CENPH: variants seen among roughly 807,000 people sequenced by gnomAD.
CENPH encodes centromere protein H.
A neutral mutation model predicts 42.9 loss-of-function variants in CENPH; 40 were observed. That is an observed-to-expected ratio of 0.93 (90% CI 0.72 to 1.21). CENPH has a LOEUF of 1.21. CENPH is among the 50% of genes most tolerant of loss of function. The pLI is 0.00. For missense variants in CENPH, 302 were observed against 292.9 expected, an observed-to-expected ratio of 1.03 and a Z score of -0.23; for synonymous variants, 88 against 96.5, an observed-to-expected ratio of 0.91 and a Z score of 0.52.
intron 5 of CENPH, among the ~76,000 whole-genome samples, chr5:69,201,701 A>T (rs1290460067): frequency 6.6e-6 from 1 of 152,156 alleles, no homozygotes; most frequent in Admixed American, 6.6e-5. Flanking sequence ...TCTACAAAAA[A>T]TGTAAAAATT....
chr5:69,196,791 T>C (rs557377443), intron 4 of CENPH, among the ~76,000 whole-genome samples: 44 of 152,328 alleles, frequency 2.9e-4, no homozygotes, highest in Middle Eastern at 3.4e-3. Flanking sequence ...AGAGAACTCA[T>C]TCAGCTCAGG....
chr5:69,200,351 G>C (rs1452966106), intron 5 of CENPH, among the ~76,000 whole-genome samples: 2 of 152,116 alleles, frequency 1.3e-5, no homozygotes, highest in Admixed American at 6.6e-5. Context: ...CTTCTAACTA[G>C]AGATGATCCA....
chr5:69,189,716 G>T lies in CENPH; in HGVS notation c.82G>T (p.Val28Phe). ...GEGRAGGPPQ[V>F]AGAQAACSED... ...AGGCCGGGCAGGCGGGCCACCGCAG[G>T]TCGCCGGCGCCCAGGCGGCGTGCAG... Residue 28 changes from valine to phenylalanine, a missense_variant, in exon 1 of 9, where the codon GTC (valine) becomes TTC (phenylalanine). Coordinates refer to ENST00000283006, the MANE Select transcript of CENPH (RefSeq NM_022909.4). The T allele has an allele frequency of 3.2e-6, 5 of 1,564,276 alleles. No individual in the cohort carries two copies. The highest frequency in any genetic ancestry group is 4.3e-6 in the Non-Finnish European group (5 of 1,158,118).
intron 2 of CENPH, among the ~76,000 whole-genome samples, chr5:69,192,273 G>A (rs1255558256): frequency 6.6e-6 from 1 of 151,990 alleles, no homozygotes; most frequent in Non-Finnish European, 1.5e-5. Context: ...AAGAGGGAGG[G>A]GCTTCTTTTC....
At chr5:69,197,983 C>T (rs868596731) in intron 5 of CENPH, among the ~76,000 whole-genome samples, 174 of 132,630 alleles carry the variant, frequency 1.3e-3, no homozygotes, top group African/African-American at 4.2e-3. Context: ...TGCAGTGGCA[C>T]GATCTCGGCT....
intron 4 of CENPH, among the ~76,000 whole-genome samples, chr5:69,196,422 A>C (rs1747965138): frequency 6.6e-6 from 1 of 152,188 alleles, no homozygotes; most frequent in African/African-American, 2.4e-5. Context: ...AGGTGGGTGG[A>C]TCACCTGAGG....
chr5:69,196,411 A>G (rs1403667351), intron 4 of CENPH, among the ~76,000 whole-genome samples: 2 of 152,128 alleles, frequency 1.3e-5, no homozygotes, highest in East Asian at 1.9e-4. Flanking sequence ...TCGGGAGGCC[A>G]AGGTGGGTGG....
chr5:69,203,083 T>G (rs2112091388), intron 7 of CENPH, 113 bp downstream of exon 7: 1 of 734,450 alleles, frequency 1.4e-6, no homozygotes, highest in Middle Eastern at 2.4e-4. Flanking sequence ...CCAAAATTCC[T>G]TAAAATTTTT....
intron 3 of CENPH, among the ~76,000 whole-genome samples, chr5:69,195,154 G>A (rs1226331152): frequency 1.3e-5 from 2 of 152,102 alleles, no homozygotes; most frequent in African/African-American, 2.4e-5. Flanking sequence ...GCTTGAACCC[G>A]GGAGGCGGAG....
At position 69,191,785 on chromosome 5, in the gene CENPH, C is replaced by T. The variant is rs1747875942; in HGVS notation, c.135-10C>T. On this transcript the variant is annotated splice_polypyrimidine_tract_variant and intron_variant, in intron 1 of 8. Transcript: ENST00000283006. ...ATATGTGACTTTATATTCTCTTTAT[C>T]TGTTTTCAGGCTGAGAGCACAGACA... 1.1e-5 allele frequency: 16 copies of T among 1,503,402 alleles called. No individual in the cohort carries two copies. The highest frequency in any genetic ancestry group is 1.5e-5 in the Non-Finnish European group (16 of 1,081,374). The allele number at this position is 1,503,402 out of a possible 1,614,324, so 93.1% of individuals were successfully genotyped here. A position where few individuals can be genotyped will look rare whatever the true frequency, so the allele number is the denominator to read the frequency against.
rs535751619 is a variant in CENPH, at chr5:69,208,001, A to G, written c.488-195A>G. Reference sequence around the variant, plus strand: ...CATTTCACTAAGGGCATTGCTAAGTACGAAATTAAAATATTGTTATTTTGC... The same window carrying G: ...CATTTCACTAAGGGCATTGCTAAGTGCGAAATTAAAATATTGTTATTTTGC... On this transcript the variant is annotated intron_variant, in intron 7 of 8. Coordinates refer to ENST00000283006, the MANE Select transcript of CENPH (RefSeq NM_022909.4). The G allele has an allele frequency of 1.0e-4, 38 of 365,386 alleles. No homozygotes were observed. The South Asian group carries it at 1.8e-3, about 17-fold the overall frequency. The allele number at this position is 365,386 out of a possible 1,614,324, so 22.6% of individuals were successfully genotyped here.
intron 2 of CENPH, among the ~76,000 whole-genome samples, chr5:69,192,925 C>T (rs1360045420): frequency 2.6e-5 from 4 of 151,970 alleles, no homozygotes; most frequent in Admixed American, 2.0e-4. Flanking sequence ...AGAGAAACCC[C>T]GTCTCTACTA....
At chr5:69,198,238 C>T (rs1040215862) in intron 5 of CENPH, among the ~76,000 whole-genome samples, 1 of 151,930 alleles carries the variant, frequency 6.6e-6, no homozygotes, top group Non-Finnish European at 1.5e-5. Flanking sequence ...ATGATCTTAT[C>T]TCCCAAAGTT....
chr5:69,192,454 C>T (rs557671263), intron 2 of CENPH, among the ~76,000 whole-genome samples: 9 of 152,212 alleles, frequency 5.9e-5, no homozygotes, highest in East Asian at 3.9e-4. Context: ...ACCTAGGAGA[C>T]GACAGATGTA....
rs369695590 is a variant in CENPH, at chr5:69,190,161, T to C, written c.134+393T>C. 3.9e-4 allele frequency among the ~76,000 whole-genome samples: 59 copies of C among 152,292 alleles called. No individual in the cohort carries two copies. The Middle Eastern group carries it at 0.017, about 44-fold the overall frequency. Reference sequence around the variant, plus strand: ...CTACGACCCTTTGTAACCCAGAAGCTTTATATGTTATAAATTCTACTAAGC... The same window carrying C: ...CTACGACCCTTTGTAACCCAGAAGCCTTATATGTTATAAATTCTACTAAGC... On this transcript the variant is annotated intron_variant, in intron 1 of 8. Coordinates refer to ENST00000283006, the MANE Select transcript of CENPH (RefSeq NM_022909.4).
At chr5:69,193,667 T>G (rs1042159260) in intron 2 of CENPH, among the ~76,000 whole-genome samples, 8 of 151,050 alleles carry the variant, frequency 5.3e-5, no homozygotes, top group Non-Finnish European at 8.9e-5. Flanking sequence ...TTTTCTGTTT[T>G]TTTTTTTTTT....
At position 69,208,312 on chromosome 5, in the gene CENPH, C is replaced by A. The variant is rs1251569268; in HGVS notation, c.604C>A (p.Leu202Ile). 5 of 1,599,662 alleles carry A rather than the reference C, an allele frequency of 3.1e-6. No individual in the cohort carries two copies. The highest frequency in any genetic ancestry group is 1.7e-4 in the Middle Eastern group (1 of 6,030). ...GAGGATAAAGATCATACGACAAAAC[C>A]TACAGATGGAGATAAAAATTACTAC... ...SERIKIIRQNLQMEIKITTVI... is the reference protein window; with the variant it reads ...SERIKIIRQNIQMEIKITTVI... The change falls in exon 8 of 9, where the codon CTA becomes ATA. Residue 202 changes from leucine to isoleucine, a missense_variant. Coordinates refer to ENST00000283006, the MANE Select transcript of CENPH (RefSeq NM_022909.4).
chr5:69,199,041 T>G, intron 5 of CENPH, among the ~76,000 whole-genome samples: 1 of 152,022 alleles, frequency 6.6e-6, no homozygotes, highest in Non-Finnish European at 1.5e-5. Flanking sequence ...AGGGCTTTGG[T>G]CTAGGTCCTG....
At chr5:69,201,610 C>T (rs776591094) in intron 5 of CENPH, among the ~76,000 whole-genome samples, 1 of 152,122 alleles carries the variant, frequency 6.6e-6, no homozygotes, top group Non-Finnish European at 1.5e-5. Context: ...TATAATCCTA[C>T]CATTTTGGGA....
Sources: allele counts gnomAD v4.1 joint callset (sites outside exome capture counted in the v4.1 genomes callset), GRCh38; gene constraint gnomAD v4.1.1; transcripts MANE v1.5; gene names NCBI Gene and HGNC (gene_info 2026-07-23, HGNC 2026-07-21).